Variants in MTMR2 observed in about 807,000 individuals in gnomAD.
The protein encoded by MTMR2 is myotubularin related protein 2.
MTMR2 carries 55 observed loss-of-function variants against 86.9 expected under a neutral mutation model. That is an observed-to-expected ratio of 0.63 (90% CI 0.51 to 0.79). MTMR2 has a LOEUF of 0.79. Ranked by LOEUF, MTMR2 falls within the 30% of genes least tolerant of loss-of-function variation. The pLI is 0.00. For synonymous variants in MTMR2, 241 were observed against 266.8 expected (o/e 0.90, Z 0.94); for missense variants, 659 against 772.3 (o/e 0.85, Z 1.74).
At chr11:95,912,493 TA>T (rs200904614) in intron 1 of MTMR2, among the ~76,000 whole-genome samples, 4,618 of 151,768 alleles carry the variant, frequency 0.03, 127 homozygotes, top group South Asian at 0.069. Context: ...CTTGAAATAT[TA>T]AAAAAAGGCA....
chr11:95,849,485 C>A (rs1337068779), intron 9 of MTMR2, among the ~76,000 whole-genome samples, 189 bp downstream of exon 9: 1 of 152,054 alleles, frequency 6.6e-6, no homozygotes, highest in Non-Finnish European at 1.5e-5. Flanking sequence ...CTCATTTTTA[C>A]CAATAAACAA....
At chr11:95,837,236 T>C (rs1863325687) in intron 13 of MTMR2, among the ~76,000 whole-genome samples, 2 of 152,036 alleles carry the variant, frequency 1.3e-5, no homozygotes, top group Non-Finnish European at 2.9e-5. Flanking sequence ...GTTCTTGTGG[T>C]ATTTTGTATT....
chr11:95,861,266 C>T (rs1864409885), intron 5 of MTMR2, among the ~76,000 whole-genome samples: 1 of 151,140 alleles, frequency 6.6e-6, no homozygotes, highest in Admixed American at 6.6e-5. Flanking sequence ...CTGCTCAGAG[C>T]CTTATGTTGC....
chr11:95,850,717 C>T lies in MTMR2; in HGVS notation c.687G>A (p.Lys229=), dbSNP rs148025345. ...GIPNESWRIT[K]INERYELCDT... is the part of the protein sequence containing the mutation. Reference sequence around the variant, plus strand: ...CACAAAGTTCATATCGTTCATTTATCTTTGTTATTCTCCAGCTTTCATTTG... The same window carrying T: ...CACAAAGTTCATATCGTTCATTTATTTTTGTTATTCTCCAGCTTTCATTTG... Residue 229 remains lysine, a synonymous_variant, in exon 8 of 15, where the codon AAG becomes AAA. Transcript: ENST00000346299. 6.2e-7 allele frequency: 1 copy of T among 1,613,844 alleles called. No individual in the cohort carries two copies. The highest frequency in any genetic ancestry group is 8.5e-7 in the Non-Finnish European group (1 of 1,179,822).
At chr11:95,897,588 T>C (rs1278287780) in intron 1 of MTMR2, among the ~76,000 whole-genome samples, 1 of 152,158 alleles carries the variant, frequency 6.6e-6, no homozygotes, top group African/African-American at 2.4e-5. Context: ...AGAAATGACA[T>C]CTATCAACAA....
chr11:95,835,625 G>A (rs1399161492), intron 14 of MTMR2, among the ~76,000 whole-genome samples, 174 bp from the exon 15 acceptor site: 1 of 151,954 alleles, frequency 6.6e-6, no homozygotes, highest in Non-Finnish European at 1.5e-5. Context: ...CTTTTCACTG[G>A]CTTTCCCAGT....
At position 95,913,775 on chromosome 11, in the gene MTMR2, T is replaced by C. The variant is rs1866598207; in HGVS notation, c.80+10100A>G. On this transcript the variant is annotated intron_variant, in intron 1 of 14. Transcript: ENST00000346299. Reference sequence around the variant, plus strand: ...AAGAGGAGGGGAAAAAAAGAAAGAATAGAGAAAGAGGGGGAAGGAAGGCGG... The same window carrying C: ...AAGAGGAGGGGAAAAAAAGAAAGAACAGAGAAAGAGGGGGAAGGAAGGCGG... Among the ~76,000 whole-genome samples the C allele has an allele frequency of 1.3e-5, 2 of 151,706 alleles. 1 individual carries two copies. Among genetic ancestry groups the C allele is most frequent in the South Asian group, 4.2e-4 (2 of 4,810 alleles).
At chr11:95,923,191 A>G (rs1424315540) in intron 1 of MTMR2, among the ~76,000 whole-genome samples, 1 of 152,208 alleles carries the variant, frequency 6.6e-6, no homozygotes, top group Non-Finnish European at 1.5e-5. Context: ...AACGTGGAGA[A>G]CCAGTAGCCC....
At chr11:95,854,485 G>C (rs1297701840) in intron 7 of MTMR2, among the ~76,000 whole-genome samples, 3 of 152,124 alleles carry the variant, frequency 2.0e-5, no homozygotes, top group Non-Finnish European at 4.4e-5. Context: ...CGTTTCATGA[G>C]ATAAGGTCTC....
chr11:95,835,454 G>C lies in MTMR2; in HGVS notation c.1771-3C>G. 6.2e-7 allele frequency: 1 copy of C among 1,611,914 alleles called. No individual in the cohort carries two copies. Among genetic ancestry groups the C allele is most frequent in the Non-Finnish European group, 8.5e-7 (1 of 1,178,942 alleles). On this transcript the variant is annotated splice_region_variant and splice_polypyrimidine_tract_variant and intron_variant, in intron 14 of 14. Coordinates refer to ENST00000346299, the MANE Select transcript of MTMR2 (RefSeq NM_016156.6). ...TTGTATCTGTTGTGAATAGGTTCCTGCAAGAGCAAAACATAAAATATTCAA... is the reference window on the plus strand; with the variant it reads ...TTGTATCTGTTGTGAATAGGTTCCTCCAAGAGCAAAACATAAAATATTCAA...
At chr11:95,923,843 A>C (rs1205799307) in intron 1 of MTMR2, 32 bp downstream of exon 1, 2 of 1,539,060 alleles carry the variant, frequency 1.3e-6, no homozygotes, top group African/African-American at 1.4e-5. Flanking sequence ...TCCCCTTCGG[A>C]CGCTGGGCGG....
At chr11:95,914,138 A>C (rs1023032843) in intron 1 of MTMR2, 1 of 949,528 alleles carries the variant, frequency 1.1e-6, no homozygotes, top group East Asian at 1.2e-4. Context: ...ACTACTTGTT[A>C]CTCATAAGTG....
At chr11:95,888,083 G>T in intron 2 of MTMR2, 73 bp downstream of exon 2, 1 of 1,102,092 alleles carries the variant, frequency 9.1e-7, no homozygotes, top group Non-Finnish European at 1.4e-6. Flanking sequence ...TGCTAAATTA[G>T]TTATATTGAT....
chr11:95,878,650 A>G (rs1208231106), intron 2 of MTMR2, among the ~76,000 whole-genome samples: 1 of 152,002 alleles, frequency 6.6e-6, no homozygotes, highest in South Asian at 2.1e-4. Context: ...TATTTAATCT[A>G]TTTCTACATT....
At chr11:95,864,290 G>A (rs1269827596) in intron 3 of MTMR2, among the ~76,000 whole-genome samples, 6 of 152,078 alleles carry the variant, frequency 3.9e-5, no homozygotes, top group Non-Finnish European at 7.4e-5. Context: ...AAAGGGAAAT[G>A]GGTCAAGGAT....
chr11:95,922,904 TTGTG>T (rs5793761), intron 1 of MTMR2, among the ~76,000 whole-genome samples: 43,283 of 151,896 alleles, frequency 0.28, 6,874 homozygotes, highest in Non-Finnish European at 0.35. Flanking sequence ...AAAATGAAAA[TTGTG>T]TGTTTTCACA....
intron 1 of MTMR2, among the ~76,000 whole-genome samples, chr11:95,892,582 C>G (rs950766862): frequency 6.6e-6 from 1 of 152,174 alleles, no homozygotes; most frequent in Non-Finnish European, 1.5e-5. Context: ...TTTTGGTCCC[C>G]AGATTTCCTA....
intron 7 of MTMR2, among the ~76,000 whole-genome samples, chr11:95,854,072 A>G (rs1384018682): frequency 1.3e-5 from 2 of 152,182 alleles, no homozygotes; most frequent in Non-Finnish European, 2.9e-5. Flanking sequence ...AGGAATGAGA[A>G]CCAATGACTT....
In MTMR2 at chr11:95,833,256, A is replaced by C. The variant is rs1449517711; in HGVS notation, c.*2034T>G. Reference sequence around the variant, plus strand: ...GTTGAGGTATGCAGAGACTAGGTCGAAGGAGGCTAAGGAGCTTCAACTTAA... The same window carrying C: ...GTTGAGGTATGCAGAGACTAGGTCGCAGGAGGCTAAGGAGCTTCAACTTAA... On this transcript the variant is annotated 3_prime_UTR_variant, in exon 15 of 15. Coordinates refer to ENST00000346299, the MANE Select transcript of MTMR2 (RefSeq NM_016156.6). The C allele has an allele frequency of 6.6e-6, 1 of 152,112 alleles. No individual in the cohort carries two copies. Among genetic ancestry groups the C allele is most frequent in the Non-Finnish European group, 1.5e-5 (1 of 68,000 alleles). 9.4% of individuals were successfully genotyped at this position (152,112 alleles called of 1,614,324 possible). A position where few individuals can be genotyped will look rare whatever the true frequency, so the allele number is the denominator to read the frequency against.
Sources: allele counts gnomAD v4.1 joint callset (sites outside exome capture counted in the v4.1 genomes callset), GRCh38; gene constraint gnomAD v4.1.1; transcripts MANE v1.5; gene names NCBI Gene and HGNC (gene_info 2026-07-23, HGNC 2026-07-21).